TSPAN5: variants seen among roughly 807,000 people sequenced by gnomAD.
The protein encoded by TSPAN5 is tetraspanin-5.
TSPAN5 carries 10 observed loss-of-function variants against 37.1 expected under a neutral mutation model. That is an observed-to-expected ratio of 0.27 (90% CI 0.17 to 0.46). The LOEUF (loss-of-function observed/expected upper bound fraction) is 0.46. Among genes scored for constraint, TSPAN5 ranks in the 20% least tolerant of loss-of-function variants. The probability of loss-of-function intolerance (pLI) is 1.00; values close to 1 mark genes in which losing one functional copy is unlikely to be tolerated. For missense variants in TSPAN5, 195 were observed against 326.6 expected, an observed-to-expected ratio of 0.60 and a Z score of 3.11; for synonymous variants, 110 against 118.9, an observed-to-expected ratio of 0.93 and a Z score of 0.48.
chr4:98,557,997 G>A lies in TSPAN5; in HGVS notation c.82-50269C>T, dbSNP rs570024720. Among the ~76,000 whole-genome samples, 7 of 152,320 alleles carry A rather than the reference G, an allele frequency of 4.6e-5. No homozygotes were observed. In the South Asian group the frequency reaches 1.0e-3, roughly 23 times the overall value. ...AACAACGTAATGTAGTGCCCAGGGT[G>A]AGATCCTGGAACAGAAAAGGACATT... On this transcript the variant is annotated intron_variant, in intron 1 of 7. Coordinates refer to ENST00000305798, the MANE Select transcript of TSPAN5 (RefSeq NM_005723.4).
intron 1 of TSPAN5, among the ~76,000 whole-genome samples, chr4:98,568,884 A>G (rs1755062756): frequency 3.3e-5 from 5 of 152,226 alleles, no homozygotes; most frequent in Admixed American, 3.3e-4. Context: ...GAAAGCAGAT[A>G]GTCAAAGAGA....
chr4:98,571,076 T>C (rs1755107862), intron 1 of TSPAN5, among the ~76,000 whole-genome samples: 2 of 152,136 alleles, frequency 1.3e-5, no homozygotes, highest in Non-Finnish European at 2.9e-5. Context: ...ATGGACCACT[T>C]GTCTATTTTC....
chr4:98,478,242 C>G (rs1456356584), intron 5 of TSPAN5, among the ~76,000 whole-genome samples: 2 of 152,178 alleles, frequency 1.3e-5, no homozygotes, highest in African/African-American at 4.8e-5. Flanking sequence ...TAACCCCAAA[C>G]CAATGCAGAG....
At chr4:98,531,764 G>C (rs901847238) in intron 1 of TSPAN5, among the ~76,000 whole-genome samples, 10 of 152,166 alleles carry the variant, frequency 6.6e-5, no homozygotes, top group African/African-American at 2.4e-4. Context: ...ATTCTAACTG[G>C]TGTGAGATGG....
chr4:98,522,970 C>A (rs1753886670), intron 1 of TSPAN5, among the ~76,000 whole-genome samples: 1 of 152,162 alleles, frequency 6.6e-6, no homozygotes. Context: ...ACACAGAGCC[C>A]ACAGAAGCCA....
At chr4:98,640,412 T>C (rs967196125) in intron 1 of TSPAN5, among the ~76,000 whole-genome samples, 3 of 152,190 alleles carry the variant, frequency 2.0e-5, no homozygotes, top group Non-Finnish European at 4.4e-5. Flanking sequence ...GAAACTGTAA[T>C]GTTCTGTAGA....
intron 1 of TSPAN5, among the ~76,000 whole-genome samples, chr4:98,517,012 C>T (rs1189035898): frequency 2.0e-5 from 3 of 152,170 alleles, no homozygotes; most frequent in African/African-American, 2.4e-5. Flanking sequence ...CACCCAGTCT[C>T]GGGTATTCTA....
chr4:98,603,252 C>G (rs574678786), intron 1 of TSPAN5, among the ~76,000 whole-genome samples: 3 of 152,186 alleles, frequency 2.0e-5, no homozygotes, highest in East Asian at 1.9e-4. Flanking sequence ...TAGACTCCCC[C>G]CTACCAGGCA....
intron 1 of TSPAN5, among the ~76,000 whole-genome samples, chr4:98,563,942 C>T (rs1257446322): frequency 6.6e-6 from 1 of 152,170 alleles, no homozygotes; most frequent in Non-Finnish European, 1.5e-5. Context: ...AATTACCTGG[C>T]CCACTACGTC....
At chr4:98,486,645 T>G in intron 3 of TSPAN5, 93 bp downstream of exon 3, 2 of 1,481,198 alleles carry the variant, frequency 1.4e-6, no homozygotes, top group Non-Finnish European at 1.9e-6. Flanking sequence ...GTGCCTTTGG[T>G]ACAGCTCACT....
At chr4:98,511,221 A>G (rs1287977259) in intron 1 of TSPAN5, among the ~76,000 whole-genome samples, 1 of 152,252 alleles carries the variant, frequency 6.6e-6, no homozygotes, top group Admixed American at 6.5e-5. Context: ...TTTAAAATAA[A>G]TAACAATAAT....
intron 1 of TSPAN5, among the ~76,000 whole-genome samples, chr4:98,648,064 C>T (rs1427786647): frequency 1.3e-5 from 2 of 152,138 alleles, no homozygotes; most frequent in East Asian, 3.9e-4. Context: ...CCCGGATATT[C>T]CACATTGAAG....
intron 1 of TSPAN5, among the ~76,000 whole-genome samples, chr4:98,531,909 G>GT (rs2110129643): frequency 6.6e-6 from 1 of 152,164 alleles, no homozygotes; most frequent in Non-Finnish European, 1.5e-5. Flanking sequence ...TGATGGGGTT[G>GT]TTTTTTTCTT....
At chr4:98,490,423 C>T (rs1024301116) in intron 2 of TSPAN5, among the ~76,000 whole-genome samples, 1 of 152,194 alleles carries the variant, frequency 6.6e-6, no homozygotes, top group Non-Finnish European at 1.5e-5. Context: ...TACTTACTCT[C>T]TCCAGCCTTC....
chr4:98,584,614 C>T (rs909997988), intron 1 of TSPAN5, among the ~76,000 whole-genome samples: 2 of 152,188 alleles, frequency 1.3e-5, no homozygotes, highest in African/African-American at 4.8e-5. Flanking sequence ...GCCCAAAATC[C>T]TGTACTGTAT....
At chr4:98,576,929 T>C (rs967614474) in intron 1 of TSPAN5, among the ~76,000 whole-genome samples, 4 of 152,190 alleles carry the variant, frequency 2.6e-5, no homozygotes, top group Middle Eastern at 3.4e-3. Context: ...CTGGCTAATT[T>C]TTTGTATTTT....
intron 1 of TSPAN5, among the ~76,000 whole-genome samples, chr4:98,566,744 C>G (rs1275831989): frequency 1.3e-5 from 2 of 152,214 alleles, no homozygotes; most frequent in African/African-American, 2.4e-5. Context: ...TCTGAGACAG[C>G]AGGATGCTGT....
At chr4:98,647,248 C>A (rs1253921327) in intron 1 of TSPAN5, among the ~76,000 whole-genome samples, 1 of 152,144 alleles carries the variant, frequency 6.6e-6, no homozygotes, top group Non-Finnish European at 1.5e-5. Flanking sequence ...TACAACTATA[C>A]CTTAAAAGAG....
intron 1 of TSPAN5, among the ~76,000 whole-genome samples, chr4:98,605,425 T>C (rs564043192): frequency 2.2e-4 from 34 of 152,236 alleles, no homozygotes; most frequent in African/African-American, 7.7e-4. Context: ...ACACGACCGG[T>C]CAGCTGAGAA....
Sources: allele counts gnomAD v4.1 joint callset (sites outside exome capture counted in the v4.1 genomes callset), GRCh38; gene constraint gnomAD v4.1.1; transcripts MANE v1.5; gene names NCBI Gene and HGNC (gene_info 2026-07-23, HGNC 2026-07-21).